The following XRCC4 variants were observed in gnomAD, a reference collection of about 807,000 sequenced individuals.
XRCC4 encodes X-ray repair cross complementing 4.
A neutral mutation model predicts 39.1 loss-of-function variants in XRCC4; 28 were observed. The observed-to-expected ratio is 0.72, with a 90% confidence interval of 0.53 to 0.98. The LOEUF (loss-of-function observed/expected upper bound fraction) is 0.98. XRCC4 is among the 50% of genes least tolerant of loss of function. The pLI is 0.00. For missense variants in XRCC4, 350 were observed against 376.4 expected (o/e 0.93, Z 0.58); for synonymous variants, 123 against 126.4 (o/e 0.97, Z 0.18).
intron 1 of XRCC4, among the ~76,000 whole-genome samples, chr5:83,090,428 A>G (rs539511481): frequency 2.0e-5 from 3 of 152,276 alleles, no homozygotes; most frequent in African/African-American, 7.2e-5. Flanking sequence ...GCCTTCTGCC[A>G]TGATTATGAG....
chr5:83,287,322 G>C (rs1754769719), intron 7 of XRCC4, among the ~76,000 whole-genome samples: 4 of 151,972 alleles, frequency 2.6e-5, no homozygotes, highest in Admixed American at 2.6e-4. Flanking sequence ...TAGCCATCTT[G>C]GTTTACAAAC....
intron 3 of XRCC4, among the ~76,000 whole-genome samples, chr5:83,146,760 CAATT>C (rs1218444969): frequency 1.3e-5 from 2 of 152,108 alleles, no homozygotes; most frequent in Admixed American, 6.6e-5. Flanking sequence ...TCAGAAGTGA[CAATT>C]AAAGTTAATG....
At chr5:83,134,411 C>T (rs1747776417) in intron 3 of XRCC4, among the ~76,000 whole-genome samples, 1 of 152,160 alleles carries the variant, frequency 6.6e-6, no homozygotes, top group Non-Finnish European at 1.5e-5. Context: ...TGGGTGGTGA[C>T]TTGGAGAACT....
intron 3 of XRCC4, among the ~76,000 whole-genome samples, chr5:83,168,262 A>G (rs1224957140): frequency 6.6e-6 from 1 of 151,958 alleles, no homozygotes; most frequent in Non-Finnish European, 1.5e-5. Flanking sequence ...TTATCGTACC[A>G]ATAATACACT....
At chr5:83,198,581 C>G (rs2112710928) in intron 4 of XRCC4, among the ~76,000 whole-genome samples, 1 of 151,916 alleles carries the variant, frequency 6.6e-6, no homozygotes, top group Non-Finnish European at 1.5e-5. Flanking sequence ...ACTACATTTT[C>G]CTTTAATTTT....
intron 6 of XRCC4, among the ~76,000 whole-genome samples, chr5:83,216,390 A>G (rs562219740): frequency 6.6e-6 from 1 of 152,210 alleles, no homozygotes; most frequent in African/African-American, 2.4e-5. Context: ...CAACCACTTT[A>G]GAAAACTGTT....
intron 7 of XRCC4, among the ~76,000 whole-genome samples, chr5:83,298,763 G>C (rs550456776): frequency 6.6e-6 from 1 of 151,860 alleles, no homozygotes; most frequent in Admixed American, 6.6e-5. Context: ...CTTAACTTAT[G>C]AAAGTATAAA....
At chr5:83,088,762 C>T (rs1350280248) in intron 1 of XRCC4, among the ~76,000 whole-genome samples, 1 of 152,132 alleles carries the variant, frequency 6.6e-6, no homozygotes, top group Non-Finnish European at 1.5e-5. Context: ...ATTGTTGATG[C>T]ATATAACATT....
chr5:83,149,970 GA>G (rs1748630174), intron 3 of XRCC4, among the ~76,000 whole-genome samples: 1 of 152,040 alleles, frequency 6.6e-6, no homozygotes, highest in Admixed American at 6.6e-5. Context: ...ACTTAGAAGA[GA>G]ATTTTTCCAA....
At chr5:83,094,678 C>CT (rs927639262) in intron 1 of XRCC4, among the ~76,000 whole-genome samples, 33 of 145,636 alleles carry the variant, frequency 2.3e-4, no homozygotes, top group Middle Eastern at 3.5e-3. Context: ...TTGTGGTTAA[C>CT]TTTTTTTTTT....
chr5:83,117,629 ATATG>A (rs1431147761), intron 3 of XRCC4, among the ~76,000 whole-genome samples: 47 of 138,004 alleles, frequency 3.4e-4, no homozygotes, highest in East Asian at 1.2e-3. Context: ...AGCTACATAT[ATATG>A]TGTGTGTGTG....
intron 3 of XRCC4, among the ~76,000 whole-genome samples, chr5:83,165,976 C>A (rs117010383): frequency 6.6e-5 from 10 of 151,248 alleles, no homozygotes; most frequent in Non-Finnish European, 8.8e-5. Context: ...ACCTCCACCC[C>A]CTGGGTCCAA....
chr5:83,275,496 C>T (rs1287561939), intron 7 of XRCC4, among the ~76,000 whole-genome samples: 3 of 151,760 alleles, frequency 2.0e-5, no homozygotes, highest in Admixed American at 6.6e-5. Flanking sequence ...GGGGTTTCAC[C>T]GTTTTAGCCG....
intron 7 of XRCC4, among the ~76,000 whole-genome samples, chr5:83,278,143 C>G (rs1754400791): frequency 6.6e-6 from 1 of 152,206 alleles, no homozygotes; most frequent in African/African-American, 2.4e-5. Context: ...TTTCACATCA[C>G]TTCACCCCAC....
intron 7 of XRCC4, among the ~76,000 whole-genome samples, chr5:83,265,217 T>C (rs1348400993): frequency 6.6e-6 from 1 of 152,146 alleles, no homozygotes; most frequent in Non-Finnish European, 1.5e-5. Flanking sequence ...ATCCAATTTT[T>C]GTAGATTTTT....
At chr5:83,369,767 C>A in the XRCC4 span, among the ~76,000 whole-genome samples, 1 of 152,130 alleles carries the variant, frequency 6.6e-6, no homozygotes. Context: ...GGTATATACC[C>A]AGTAATGGGA....
intron 7 of XRCC4, among the ~76,000 whole-genome samples, chr5:83,295,774 T>C (rs1309944335): frequency 1.3e-5 from 2 of 151,834 alleles, no homozygotes; most frequent in Admixed American, 6.6e-5. Context: ...CATGGAGAGG[T>C]AAGCAGGATC....
chr5:83,304,520 T>C (rs1755410404), intron 7 of XRCC4, among the ~76,000 whole-genome samples: 1 of 152,228 alleles, frequency 6.6e-6, no homozygotes, highest in South Asian at 2.1e-4. Context: ...TTACTACAAA[T>C]GTCTTTTGAC....
chr5:83,306,140 T>C (rs924085083), intron 7 of XRCC4, among the ~76,000 whole-genome samples: 16 of 150,982 alleles, frequency 1.1e-4, no homozygotes, highest in African/African-American at 3.9e-4. Flanking sequence ...AGATTTCTAG[T>C]GAATAGAAAC....
Sources: allele counts gnomAD v4.1 joint callset (sites outside exome capture counted in the v4.1 genomes callset), GRCh38; gene constraint gnomAD v4.1.1; transcripts MANE v1.5; gene names NCBI Gene and HGNC (gene_info 2026-07-23, HGNC 2026-07-21).